PPAT: variants seen among roughly 807,000 people sequenced by gnomAD.
PPAT encodes amidophosphoribosyltransferase.
PPAT carries 20 observed loss-of-function variants against 60.2 expected under a neutral mutation model. That is an observed-to-expected ratio of 0.33 (90% CI 0.23 to 0.48). PPAT has a LOEUF of 0.48. PPAT is among the 20% of genes least tolerant of loss of function. PPAT has a pLI of 0.99. For synonymous variants in PPAT, 194 were observed against 215.1 expected (o/e 0.90, Z 0.86); for missense variants, 349 against 629.6 (o/e 0.55, Z 4.77).
intron 3 of PPAT, among the ~76,000 whole-genome samples, chr4:56,406,227 T>C (rs1258561196): frequency 2.6e-5 from 4 of 152,170 alleles, no homozygotes; most frequent in Non-Finnish European, 5.9e-5. Context: ...CTTCCATCCA[T>C]AAATCAACTC....
intron 3 of PPAT, among the ~76,000 whole-genome samples, chr4:56,405,656 C>T (rs1716224451): frequency 1.3e-5 from 2 of 152,230 alleles, no homozygotes; most frequent in South Asian, 2.1e-4. Flanking sequence ...GATAGCTGAA[C>T]ACTTGGAGAT....
chr4:56,433,401 A>G (rs1444437284), intron 1 of PPAT, among the ~76,000 whole-genome samples: 1 of 149,536 alleles, frequency 6.7e-6, no homozygotes, highest in African/African-American at 2.5e-5. Flanking sequence ...ATTCATTAAA[A>G]AAAAAAAAAA....
intron 1 of PPAT, among the ~76,000 whole-genome samples, chr4:56,434,438 A>G (rs1717785350): frequency 6.6e-6 from 1 of 152,224 alleles, no homozygotes; most frequent in Non-Finnish European, 1.5e-5. Context: ...AAGAATATCA[A>G]ACCCAGGTTT....
intron 1 of PPAT, among the ~76,000 whole-genome samples, chr4:56,408,827 T>G (rs892186142): frequency 7.9e-5 from 12 of 152,046 alleles, no homozygotes; most frequent in Non-Finnish European, 1.5e-4. Flanking sequence ...GAAAACCCAT[T>G]AACATCCTCT....
At chr4:56,425,466 TA>T in intron 1 of PPAT, 1 of 711,020 alleles carries the variant, frequency 1.4e-6, no homozygotes, top group Non-Finnish European at 1.7e-6. Context: ...GGTATGCTGC[TA>T]ATCTTAAATA....
At chr4:56,402,768 A>T (rs1041914686) in intron 5 of PPAT, among the ~76,000 whole-genome samples, 3 of 139,054 alleles carry the variant, frequency 2.2e-5, no homozygotes, top group Admixed American at 8.1e-5. Context: ...GTGAGCTGAG[A>T]TCGCACCACT....
chr4:56,419,805 C>A, intron 1 of PPAT: 1 of 984,586 alleles, frequency 1.0e-6, no homozygotes, highest in Non-Finnish European at 1.2e-6. Flanking sequence ...TGCAGCCAAG[C>A]TTCAGAAATT....
At chr4:56,405,610 T>C (rs1337625891) in intron 3 of PPAT, among the ~76,000 whole-genome samples, 1 of 152,154 alleles carries the variant, frequency 6.6e-6, no homozygotes, top group African/African-American at 2.4e-5. Flanking sequence ...GAAGCCTCCA[T>C]AAAAATCCAC....
intron 1 of PPAT, among the ~76,000 whole-genome samples, chr4:56,426,865 C>G (rs921736667): frequency 6.6e-6 from 1 of 152,198 alleles, no homozygotes; most frequent in Non-Finnish European, 1.5e-5. Flanking sequence ...TCATTCCAAA[C>G]TGAAACTTCT....
At chr4:56,418,991 G>A (rs544683221) in intron 1 of PPAT, among the ~76,000 whole-genome samples, 14 of 152,126 alleles carry the variant, frequency 9.2e-5, no homozygotes, top group African/African-American at 1.9e-4. Context: ...TGTAATTTTC[G>A]CAAGGCGTAA....
intron 1 of PPAT, chr4:56,408,051 G>A (rs1374933718): frequency 1.5e-5 from 3 of 203,218 alleles, no homozygotes; most frequent in African/African-American, 6.9e-5. Context: ...TGTGATCCAA[G>A]TCACATATGG....
intron 1 of PPAT, among the ~76,000 whole-genome samples, chr4:56,435,141 G>A (rs1170707563): frequency 3.9e-5 from 6 of 152,234 alleles, no homozygotes; most frequent in Non-Finnish European, 8.8e-5. Flanking sequence ...AAGTGGCTGG[G>A]AGGGTGGGCA....
At chr4:56,401,070 C>G (rs1716096981) in intron 7 of PPAT, among the ~76,000 whole-genome samples, 159 bp from the exon 8 acceptor site, 1 of 151,984 alleles carries the variant, frequency 6.6e-6, no homozygotes, top group African/African-American at 2.4e-5. Context: ...GGGAACTCAA[C>G]TGTGTGGTTT....
chr4:56,396,197 A>G lies in PPAT; in HGVS notation c.1357+422T>C, dbSNP rs1715963778. On this transcript the variant is annotated intron_variant, in intron 10 of 10. Transcript: ENST00000264220. This position sits in a 1 kb window ranked among gnomAD's most constrained non-coding sequence, Gnocchi z 4.6. Reference sequence around the variant, plus strand: ...ATTTTGAAAGGAAGATGTCTTACCCAGGATAACTTAGATCTCGAAGTCTCC... The same window carrying G: ...ATTTTGAAAGGAAGATGTCTTACCCGGGATAACTTAGATCTCGAAGTCTCC... The G allele has an allele frequency of 6.5e-6, 1 of 153,558 alleles. No individual in the cohort carries two copies. 9.5% of individuals were successfully genotyped at this position (153,558 alleles called of 1,614,324 possible).
Position 56,396,398 on chromosome 4 carries a change from C to G in PPAT, c.1357+221G>C, listed in dbSNP as rs1352668982. 2.9e-6 allele frequency: 1 copy of G among 341,550 alleles called. No individual in the cohort carries two copies. The highest frequency in any genetic ancestry group is 2.1e-5 in the African/African-American group (1 of 46,876). 21.2% of individuals were successfully genotyped at this position (341,550 alleles called of 1,614,324 possible). On this transcript the variant is annotated intron_variant, in intron 10 of 10. Transcript: ENST00000264220. This position sits in a 1 kb window ranked among gnomAD's most constrained non-coding sequence, Gnocchi z 4.6. ...CCCTCCACCTGGAAACCACCTCTTC[C>G]TTCTCTGATCTCACCTTGGCTTAGC...
chr4:56,430,995 TA>T (rs573664673), intron 1 of PPAT, among the ~76,000 whole-genome samples: 17 of 147,428 alleles, frequency 1.2e-4, no homozygotes, highest in Admixed American at 2.7e-4. Flanking sequence ...AGCTAAGTTC[TA>T]AAAAAAAAAG....
intron 9 of PPAT, among the ~76,000 whole-genome samples, chr4:56,398,278 G>C (rs779767409): frequency 3.3e-5 from 5 of 152,108 alleles, no homozygotes; most frequent in Non-Finnish European, 7.4e-5. Context: ...GCTGAGGTGG[G>C]AGGATTGCTT....
In PPAT at chr4:56,396,730, G is replaced by A. The variant is rs1315301283; in HGVS notation, c.1246C>T (p.Arg416Ter). 1.9e-6 allele frequency: 3 copies of A among 1,610,444 alleles called. No homozygotes were observed. Among genetic ancestry groups the A allele is most frequent in the Non-Finnish European group, 2.5e-6 (3 of 1,178,592 alleles). Reference protein sequence around the residue: ...KESGAKEVHIRVASPPIKYPC... With the variant: ...KESGAKEVHI ...TATTTAATTGGTGGTGAAGCTACTCGAATGTGTACCTTGGAAAGAAATCAT... is the reference window on the plus strand; with the variant it reads ...TATTTAATTGGTGGTGAAGCTACTCAAATGTGTACCTTGGAAAGAAATCAT... Residue 416 changes from arginine (R) to a stop codon, truncating the protein, a stop_gained, in exon 10 of 11, where the codon CGA becomes TGA. Coordinates refer to ENST00000264220, the MANE Select transcript of PPAT (RefSeq NM_002703.5). LOFTEE classifies it high-confidence loss of function. This position sits in a 1 kb window ranked among gnomAD's most constrained non-coding sequence, Gnocchi z 4.6.
At position 56,396,547 on chromosome 4, in the gene PPAT, A is replaced by C; in HGVS notation, c.1357+72T>G. 1 of 1,408,304 alleles carries C rather than the reference A, an allele frequency of 7.1e-7. No individual in the cohort carries two copies. The highest frequency in any genetic ancestry group is 1.3e-5 in the South Asian group (1 of 78,330). The allele number at this position is 1,408,304 out of a possible 1,614,324, so 87.2% of individuals were successfully genotyped here. A position where few individuals can be genotyped will look rare whatever the true frequency, so the allele number is the denominator to read the frequency against. On this transcript the variant is annotated intron_variant, in intron 10 of 10. Coordinates refer to ENST00000264220, the MANE Select transcript of PPAT (RefSeq NM_002703.5). This position sits in a 1 kb window ranked among gnomAD's most constrained non-coding sequence, Gnocchi z 4.6. Reference sequence around the variant, plus strand: ...AAACACTGAATACTCCTTTTTACTAAAGGTGTAAAGACTGTCAAGCTTTGG... The same window carrying C: ...AAACACTGAATACTCCTTTTTACTACAGGTGTAAAGACTGTCAAGCTTTGG...
Sources: allele counts gnomAD v4.1 joint callset (sites outside exome capture counted in the v4.1 genomes callset), GRCh38; gene constraint gnomAD v4.1.1; non-coding constraint Gnocchi (gnomAD v3.1); transcripts MANE v1.5; gene names NCBI Gene and HGNC (gene_info 2026-07-23, HGNC 2026-07-21).